MRPS18A: variants seen among roughly 807,000 people sequenced by gnomAD.
MRPS18A encodes the protein large ribosomal subunit protein mL66.
In MRPS18A, 20 loss-of-function variants were observed where a neutral mutation model predicts 22.7. That is an observed-to-expected ratio of 0.88 (90% CI 0.62 to 1.28). MRPS18A has a LOEUF of 1.28. Ranked by LOEUF, MRPS18A falls within the 50% of genes most tolerant of loss-of-function variation. The pLI is 0.00. For synonymous variants in MRPS18A, 106 were observed against 99.1 expected (o/e 1.07, Z -0.41); for missense variants, 294 against 262.6 (o/e 1.12, Z -0.83).
rs75910032 is a variant in MRPS18A at position 43,673,552 on chromosome 6, C to T, written c.447-1646G>A. Among the ~76,000 whole-genome samples, 3,134 of 152,326 alleles carry T rather than the reference C, an allele frequency of 0.021. 105 individuals are homozygous for T. The highest frequency in any genetic ancestry group is 0.071 in the African/African-American group (2,934 of 41,552). Reference sequence around the variant, plus strand: ...TAGCTGGCCTTGGGCCTGATGCCTGCGCCACACGGAGCGGCCAGCTGGCAG... The same window carrying T: ...TAGCTGGCCTTGGGCCTGATGCCTGTGCCACACGGAGCGGCCAGCTGGCAG... On this transcript the variant is annotated intron_variant, in intron 5 of 5. Transcript: ENST00000372133. The surrounding 1 kb of genome is among the most constrained non-coding windows in gnomAD (Gnocchi z 4.2).
intron 2 of MRPS18A, among the ~76,000 whole-genome samples, chr6:43,678,965 T>C (rs77245217): frequency 0.028 from 4,220 of 152,318 alleles, 194 homozygotes; most frequent in East Asian, 0.21. Flanking sequence ...CAGAACACTA[T>C]ACTTTTTCCC....
At position 43,671,869 on chromosome 6, in the gene MRPS18A, T is replaced by C. The variant is rs1390223859; in HGVS notation, c.484A>G (p.Ile162Val). Residue 162 changes from isoleucine to valine, a missense_variant, in exon 6 of 6, where the codon ATC (isoleucine) becomes GTC (valine). Transcript: ENST00000372133. ...TRWAPGSVKP[I>V]YKKGPRWNRV... is the part of the protein sequence containing the mutation. ...TTCCAGCGGGGGCCTTTTTTGTAGA[T>C]GGGCTTGACGGAGCCAGGAGCCCAG... The C allele has an allele frequency of 1.2e-6, 2 of 1,613,782 alleles. No homozygotes were observed. The highest frequency in any genetic ancestry group is 1.7e-6 in the Non-Finnish European group (2 of 1,179,846).
intron 1 of MRPS18A, among the ~76,000 whole-genome samples, chr6:43,683,430 G>A (rs946027065): frequency 2.6e-5 from 4 of 152,152 alleles, no homozygotes; most frequent in African/African-American, 9.7e-5. Context: ...AGAGGAGATA[G>A]GAATCAAAAT....
intron 3 of MRPS18A, among the ~76,000 whole-genome samples, chr6:43,677,200 G>A (rs1259515193): frequency 2.0e-5 from 3 of 152,134 alleles, no homozygotes; most frequent in East Asian, 1.9e-4. Context: ...ACTAACTTCC[G>A]CATGGTGAGC....
At chr6:43,672,002 G>T in intron 5 of MRPS18A, 96 bp from the exon 6 acceptor site, 4 of 1,371,120 alleles carry the variant, frequency 2.9e-6, no homozygotes, top group Non-Finnish European at 3.9e-6. Flanking sequence ...GGCCACGGTT[G>T]GGCAAGCAAA....
In MRPS18A at chr6:43,671,858, T is replaced by C; in HGVS notation, c.495A>G (p.Lys165=). Residue 165 remains lysine (K), a synonymous_variant, in exon 6 of 6, where the codon AAA becomes AAG. Coordinates refer to ENST00000372133, the MANE Select transcript of MRPS18A (RefSeq NM_018135.4). The part of the protein sequence containing the change: ...APGSVKPIYK[K]GPRWNRVRMP... ...TGCGCACCCTGTTCCAGCGGGGGCC[T>C]TTTTTGTAGATGGGCTTGACGGAGC... 6.2e-7 allele frequency: 1 copy of C among 1,613,200 alleles called. No homozygotes were observed. The highest frequency in any genetic ancestry group is 8.5e-7 in the Non-Finnish European group (1 of 1,179,576).
At chr6:43,684,393 G>A (rs1316467062) in intron 1 of MRPS18A, among the ~76,000 whole-genome samples, 2 of 152,094 alleles carry the variant, frequency 1.3e-5, no homozygotes, top group African/African-American at 4.8e-5. Context: ...GGTGTGCCAT[G>A]TTTGGGATGT....
chr6:43,681,380 T>C (rs1774404259), intron 1 of MRPS18A, among the ~76,000 whole-genome samples: 1 of 152,230 alleles, frequency 6.6e-6, no homozygotes, highest in African/African-American at 2.4e-5. Flanking sequence ...TTCCGCACTG[T>C]TTTTGCCTTT....
chr6:43,682,805 G>A (rs1030907488), intron 1 of MRPS18A, among the ~76,000 whole-genome samples: 5 of 152,190 alleles, frequency 3.3e-5, no homozygotes, highest in Non-Finnish European at 7.3e-5. Flanking sequence ...CGGAGGATGG[G>A]GAGAAATGAA....
chr6:43,675,003 C>T (rs1171952578), intron 5 of MRPS18A, among the ~76,000 whole-genome samples, 199 bp downstream of exon 5: 4 of 152,174 alleles, frequency 2.6e-5, no homozygotes, highest in African/African-American at 4.8e-5. Flanking sequence ...ACCCTCCTTG[C>T]GCCTTTGCTA....
intron 1 of MRPS18A, among the ~76,000 whole-genome samples, chr6:43,683,315 C>T (rs187268851): frequency 5.3e-5 from 8 of 152,326 alleles, no homozygotes; most frequent in Admixed American, 2.6e-4. Flanking sequence ...GACCTGAGAA[C>T]TCACATTGAA....
chr6:43,674,280 G>T (rs534887525), intron 5 of MRPS18A, among the ~76,000 whole-genome samples: 2 of 152,280 alleles, frequency 1.3e-5, no homozygotes, highest in South Asian at 4.1e-4. Context: ...AGGTCTGCTG[G>T]GGGCTGAGGT....
chr6:43,680,947 A>C (rs1774366917), intron 2 of MRPS18A, 142 bp downstream of exon 2: 2 of 714,882 alleles, frequency 2.8e-6, no homozygotes, highest in Non-Finnish European at 4.8e-6. Context: ...CTTGAAAAAT[A>C]GTAGGCTGTG....
intron 2 of MRPS18A, among the ~76,000 whole-genome samples, chr6:43,678,911 T>C (rs1231964697): frequency 6.6e-6 from 1 of 150,590 alleles, no homozygotes; most frequent in Non-Finnish European, 1.5e-5. Flanking sequence ...GTTTGCTCTA[T>C]CAATTGAATG....
In MRPS18A at chr6:43,673,576, A is replaced by AG. The variant is rs1346753734; in HGVS notation, c.446+1625dup. ...GCGCCACACGGAGCGGCCAGCTGGC[A>AG]GGGGGTGGGCCGGGTGGCCTCCAGC... On this transcript the variant is annotated intron_variant, in intron 5 of 5. Transcript: ENST00000372133. This position sits in a 1 kb window ranked among gnomAD's most constrained non-coding sequence, Gnocchi z 4.2. Among the ~76,000 whole-genome samples the AG allele has an allele frequency of 6.6e-6, 1 of 152,198 alleles. No individual in the cohort carries two copies. The highest frequency in any genetic ancestry group is 1.5e-5 in the Non-Finnish European group (1 of 68,028).
chr6:43,675,754 T>C, intron 3 of MRPS18A, 137 bp from the exon 4 acceptor site: 3 of 1,021,192 alleles, frequency 2.9e-6, no homozygotes, highest in Non-Finnish European at 4.2e-6. Context: ...ACACAGAGCT[T>C]TGCACATGGG....
intron 1 of MRPS18A, among the ~76,000 whole-genome samples, chr6:43,683,639 T>C (rs962449308): frequency 6.6e-6 from 1 of 152,178 alleles, no homozygotes; most frequent in African/African-American, 2.4e-5. Context: ...CAGTATCAAG[T>C]AAGCTAAGGG....
intron 5 of MRPS18A, chr6:43,672,743 C>G (rs1007175852): frequency 1.1e-4 from 20 of 187,398 alleles, no homozygotes; most frequent in African/African-American, 4.7e-4. Context: ...ACTCAATAAC[C>G]TTAGCTAAAA....
intron 5 of MRPS18A, chr6:43,672,147 A>G: frequency 3.4e-6 from 2 of 585,206 alleles, no homozygotes; most frequent in Middle Eastern, 4.6e-4. Context: ...CAGGGCCACA[A>G]GCTCCCTTGA....
Sources: allele counts gnomAD v4.1 joint callset (sites outside exome capture counted in the v4.1 genomes callset), GRCh38; gene constraint gnomAD v4.1.1; non-coding constraint Gnocchi (gnomAD v3.1); transcripts MANE v1.5; gene names NCBI Gene and HGNC (gene_info 2026-07-23, HGNC 2026-07-21).